Variants in RBFOX1 observed in about 807,000 individuals in gnomAD.
RBFOX1 encodes RNA binding protein fox-1 homolog 1.
Under a neutral mutation model 57.7 loss-of-function variants are expected in RBFOX1, and 8 were observed. The ratio of observed to expected loss-of-function variants is 0.14; its 90% confidence interval spans 0.08 to 0.25. The LOEUF is 0.25. Ranked by LOEUF, RBFOX1 falls within the 10% of genes least tolerant of loss-of-function variation. The probability of loss-of-function intolerance (pLI) is 1.00; values close to 1 mark genes in which losing one functional copy is unlikely to be tolerated. For missense variants in RBFOX1, 611 were observed against 548.5 expected (o/e 1.11, Z -1.14); for synonymous variants, 326 against 222.4 (o/e 1.47, Z -4.15).
chr16:6,069,685 T>A (rs139311259), intron 1 of RBFOX1, among the ~76,000 whole-genome samples: 1 of 152,210 alleles, frequency 6.6e-6, no homozygotes, highest in East Asian at 1.9e-4. Context: ...TTACATTAAG[T>A]AACTAAGTAG....
At chr16:5,907,789 T>G (rs1018535230) in intron 4 of RBFOX1, among the ~76,000 whole-genome samples, 2 of 151,858 alleles carry the variant, frequency 1.3e-5, no homozygotes, top group African/African-American at 4.8e-5. Context: ...TTTTCTCTAT[T>G]GCCCAGGCTG....
intron 4 of RBFOX1, among the ~76,000 whole-genome samples, chr16:7,252,572 C>G (rs1357129674): frequency 6.6e-6 from 1 of 152,196 alleles, no homozygotes; most frequent in African/African-American, 2.4e-5. Context: ...TCCAATATAA[C>G]AGCAATCTGT....
chr16:6,253,198 A>G (rs1598841119), intron 1 of RBFOX1, among the ~76,000 whole-genome samples: 1 of 152,202 alleles, frequency 6.6e-6, no homozygotes, highest in Non-Finnish European at 1.5e-5. Context: ...TATTTCTCCT[A>G]GAGGAAGTTC....
chr16:6,786,002 C>T (rs1325186801), intron 3 of RBFOX1, among the ~76,000 whole-genome samples: 1 of 152,210 alleles, frequency 6.6e-6, no homozygotes, highest in Non-Finnish European at 1.5e-5. Context: ...GCTCCTTAAA[C>T]ACCCCATCTT....
chr16:7,221,328 T>C (rs942944661), intron 4 of RBFOX1, among the ~76,000 whole-genome samples: 2 of 129,532 alleles, frequency 1.5e-5, no homozygotes, highest in Non-Finnish European at 3.4e-5. Flanking sequence ...ACTTGTTTAT[T>C]CTTTATTTTT....
At chr16:6,826,857 A>G (rs1424258786) in intron 3 of RBFOX1, among the ~76,000 whole-genome samples, 1 of 152,218 alleles carries the variant, frequency 6.6e-6, no homozygotes, top group Non-Finnish European at 1.5e-5. Context: ...CCTCAAACGC[A>G]GTTGGATGTG....
chr16:7,583,074 G>A (rs2093898126), intron 6 of RBFOX1, among the ~76,000 whole-genome samples: 1 of 151,030 alleles, frequency 6.6e-6, no homozygotes, highest in African/African-American at 2.4e-5. Flanking sequence ...TTTCCACCTT[G>A]TGCTTCATAT....
At chr16:5,453,149 C>T (rs2068479685) in intron 1 of RBFOX1, among the ~76,000 whole-genome samples, 1 of 152,120 alleles carries the variant, frequency 6.6e-6, no homozygotes, top group Non-Finnish European at 1.5e-5. Context: ...TTTTCTCACT[C>T]CATCTATCCA....
At chr16:6,417,616 C>CT (rs5815306) in intron 2 of RBFOX1, among the ~76,000 whole-genome samples, 20,996 of 150,452 alleles carry the variant, frequency 0.14, 3,500 homozygotes, top group African/African-American at 0.4. Flanking sequence ...TCTTGAACTC[C>CT]TGACCTCAGG....
chr16:7,402,753 C>G (rs1271789412), intron 4 of RBFOX1, among the ~76,000 whole-genome samples: 1 of 152,066 alleles, frequency 6.6e-6, no homozygotes, highest in African/African-American at 2.4e-5. Flanking sequence ...AAGGGTGCCC[C>G]CCTCCTTAAT....
chr16:6,732,830 T>C (rs1412616483), intron 3 of RBFOX1, among the ~76,000 whole-genome samples: 1 of 152,234 alleles, frequency 6.6e-6, no homozygotes, highest in African/African-American at 2.4e-5. Flanking sequence ...CATGTTTTTG[T>C]TTTACCTTGG....
chr16:7,466,711 A>G (rs2060587787), intron 4 of RBFOX1, among the ~76,000 whole-genome samples: 1 of 152,212 alleles, frequency 6.6e-6, no homozygotes, highest in Admixed American at 6.5e-5. Flanking sequence ...ACCTGCATGA[A>G]TTATTCAGTG....
chr16:7,262,272 T>C (rs1434688930), intron 4 of RBFOX1, among the ~76,000 whole-genome samples: 1 of 152,124 alleles, frequency 6.6e-6, no homozygotes, highest in Non-Finnish European at 1.5e-5. Context: ...TGTTGTTAAA[T>C]CATTCTAATA....
chr16:5,873,920 A>G (rs911729661), intron 4 of RBFOX1, among the ~76,000 whole-genome samples: 1 of 152,178 alleles, frequency 6.6e-6, no homozygotes, highest in African/African-American at 2.4e-5. Flanking sequence ...TGAGAAAAGG[A>G]AGAGATGGGA....
chr16:6,618,347 A>G (rs1453254790), intron 2 of RBFOX1, among the ~76,000 whole-genome samples: 2 of 152,222 alleles, frequency 1.3e-5, no homozygotes, highest in Non-Finnish European at 2.9e-5. Context: ...AGCCCTTAGC[A>G]TATATAAAGC....
chr16:7,610,931 A>G (rs988088756), intron 10 of RBFOX1, among the ~76,000 whole-genome samples: 8 of 152,154 alleles, frequency 5.3e-5, no homozygotes, highest in Admixed American at 2.6e-4. Flanking sequence ...GTCTGAATTT[A>G]TCTTGCAATT....
At position 7,067,800 on chromosome 16, in the gene RBFOX1, C is replaced by G. The variant is rs149013189; in HGVS notation, c.27+15702C>G. On this transcript the variant is annotated intron_variant, in intron 4 of 15. Coordinates refer to ENST00000550418, the MANE Select transcript of RBFOX1 (RefSeq NM_018723.4). ...AATATGTGTTGTTTGATTTTTTGTC[C>G]TTGCGATAGTTTACTGAGAATGATG... 7.7e-3 allele frequency among the ~76,000 whole-genome samples: 1,163 copies of G among 150,446 alleles called. 16 individuals are homozygous for G. The highest frequency in any genetic ancestry group is 0.027 in the African/African-American group (1,088 of 40,968).
At chr16:6,660,355 T>C (rs1489566134) in intron 3 of RBFOX1, among the ~76,000 whole-genome samples, 1 of 152,122 alleles carries the variant, frequency 6.6e-6, no homozygotes, top group East Asian at 1.9e-4. Context: ...CGATTACTTA[T>C]ATAACAAACC....
chr16:7,524,826 C>T (rs2078314253), intron 5 of RBFOX1, among the ~76,000 whole-genome samples: 1 of 152,198 alleles, frequency 6.6e-6, no homozygotes, highest in South Asian at 2.1e-4. Flanking sequence ...TAACCCTTTC[C>T]ATGCCAGTTC....
Sources: gnomAD v4.1 joint callset for allele counts (sites outside exome capture counted in the v4.1 genomes callset) on GRCh38, gnomAD v4.1.1 for gene constraint, MANE v1.5 for transcripts, NCBI Gene and HGNC (gene_info 2026-07-23, HGNC 2026-07-21) for gene names.